Variants in DNAH5 observed in about 807,000 individuals in gnomAD.
DNAH5 encodes the protein axonemal beta dynein heavy chain 5.
Under a neutral mutation model 518.2 loss-of-function variants are expected in DNAH5, and 372 were observed. The observed-to-expected ratio is 0.72, with a 90% CI of 0.66 to 0.78. The LOEUF (loss-of-function observed/expected upper bound fraction) is 0.78, where lower values mean the gene tolerates loss of function less well. Among genes scored for constraint, DNAH5 ranks in the 30% least tolerant of loss-of-function variants. The pLI is 0.00. For synonymous variants in DNAH5, 2,039 were observed against 2,025.9 expected, an observed-to-expected ratio of 1.01 and a Z score of -0.17; for missense variants, 5,523 against 5,687.0, an observed-to-expected ratio of 0.97 and a Z score of 0.93.
chr5:13,873,287 G>A (rs1384606110), intron 22 of DNAH5, among the ~76,000 whole-genome samples: 1 of 151,986 alleles, frequency 6.6e-6, no homozygotes, highest in Non-Finnish European at 1.5e-5. Context: ...GTAAAGTTCT[G>A]TAATTACTAT....
intron 63 of DNAH5, 33 bp from the exon 64 acceptor site, chr5:13,752,322 G>T (rs764032682): frequency 6.2e-7 from 1 of 1,612,728 alleles, no homozygotes; most frequent in African/African-American, 1.3e-5. Flanking sequence ...GCTATTGGCA[G>T]ACATTACCAT....
intron 47 of DNAH5, among the ~76,000 whole-genome samples, chr5:13,799,778 A>G (rs1287040240): frequency 6.6e-6 from 1 of 152,142 alleles, no homozygotes; most frequent in Non-Finnish European, 1.5e-5. Context: ...ACATAATGAG[A>G]TATCTTGGGG....
chr5:13,837,516 C>T (rs1382844760), intron 35 of DNAH5, among the ~76,000 whole-genome samples: 1 of 151,418 alleles, frequency 6.6e-6, no homozygotes, highest in Non-Finnish European at 1.5e-5. Flanking sequence ...AACAGGCACC[C>T]AGGTTAACGC....
chr5:13,863,202 C>A (rs1025633823), intron 28 of DNAH5, among the ~76,000 whole-genome samples: 1 of 152,162 alleles, frequency 6.6e-6, no homozygotes, highest in African/African-American at 2.4e-5. Context: ...CCTCAACCTT[C>A]TCCTAGACCA....
At chr5:13,758,374 A>G (rs1242245558) in intron 61 of DNAH5, among the ~76,000 whole-genome samples, 1 of 152,134 alleles carries the variant, frequency 6.6e-6, no homozygotes, top group East Asian at 1.9e-4. Context: ...GCATGTCTGT[A>G]GTCCCAGCTA....
chr5:13,839,412 G>GTATATGAAC lies in DNAH5; in HGVS notation c.5817_5825dup (p.Ile1941_Tyr1942insTer). ...CAGTGCAGCCTAAAAATTCATTCTG[G>GTATATGAAC]TATATGAACGCCACATCTGTGATGT... is the stretch of plus-strand genomic sequence containing the variant. On this transcript the variant is annotated stop_gained, in exon 35 of 79. Coordinates refer to ENST00000265104, the MANE Select transcript of DNAH5 (RefSeq NM_001369.3). LOFTEE classifies it high-confidence loss of function. 2.5e-6 allele frequency: 4 copies of GTATATGAAC among 1,613,918 alleles called. No homozygotes were observed. The highest frequency in any genetic ancestry group is 3.4e-6 in the Non-Finnish European group (4 of 1,179,870).
At chr5:13,705,579 C>T (rs1340204939) in intron 76 of DNAH5, among the ~76,000 whole-genome samples, 3 of 152,176 alleles carry the variant, frequency 2.0e-5, no homozygotes, top group African/African-American at 7.2e-5. Flanking sequence ...GCTTCCATGA[C>T]CTAGCTACCT....
At chr5:13,974,060 A>G (rs1782059586) in intron 1 of DNAH5, among the ~76,000 whole-genome samples, 1 of 151,810 alleles carries the variant, frequency 6.6e-6, no homozygotes, top group Non-Finnish European at 1.5e-5. Flanking sequence ...ATGCACAGGT[A>G]TTCCCACTGA....
At chr5:13,766,982 C>G (rs1049664743) in intron 58 of DNAH5, among the ~76,000 whole-genome samples, 1 of 151,970 alleles carries the variant, frequency 6.6e-6, no homozygotes, top group Admixed American at 6.6e-5. Context: ...TCCTTTCTAT[C>G]AAAAGACAGT....
At chr5:13,892,246 C>T (rs992452679) in intron 16 of DNAH5, among the ~76,000 whole-genome samples, 5 of 152,150 alleles carry the variant, frequency 3.3e-5, no homozygotes, top group African/African-American at 9.7e-5. Context: ...CGCTTTCTAA[C>T]GGACTGCTTC....
chr5:13,863,804 C>T (rs1288565997), intron 28 of DNAH5, among the ~76,000 whole-genome samples: 1 of 152,232 alleles, frequency 6.6e-6, no homozygotes, highest in African/African-American at 2.4e-5. Flanking sequence ...CACCTCCCAG[C>T]TGGTGCCCAT....
chr5:13,862,801 TAATA>T, intron 28 of DNAH5, 54 bp from the exon 29 acceptor site: 1 of 1,438,042 alleles, frequency 7.0e-7, no homozygotes, highest in Non-Finnish European at 9.7e-7. Context: ...CGTCCTTCCT[TAATA>T]GTCTACGTGC....
At chr5:13,861,362 A>C (rs562508300) in intron 29 of DNAH5, among the ~76,000 whole-genome samples, 1 of 152,250 alleles carries the variant, frequency 6.6e-6, no homozygotes, top group African/African-American at 2.4e-5. Context: ...AACTGAAATA[A>C]GAGAAATTTT....
At chr5:13,772,081 A>T (rs1254088825) in intron 55 of DNAH5, among the ~76,000 whole-genome samples, 1 of 152,232 alleles carries the variant, frequency 6.6e-6, no homozygotes, top group East Asian at 1.9e-4. Flanking sequence ...ACCAGTACAA[A>T]GAACGGTTTA....
chr5:13,877,846 G>A (rs1046544747), intron 21 of DNAH5, among the ~76,000 whole-genome samples: 1 of 152,052 alleles, frequency 6.6e-6, no homozygotes, highest in African/African-American at 2.4e-5. Context: ...AGTCTCTCTG[G>A]ACCACAAGAA....
In DNAH5 at chr5:13,716,545, T is replaced by TA. The variant is rs1744302993; in HGVS notation, c.12850dup (p.Tyr4284LeufsTer14). The TA allele has an allele frequency of 6.2e-7, 1 of 1,613,974 alleles. No homozygotes were observed. The highest frequency in any genetic ancestry group is 8.5e-7 in the Non-Finnish European group (1 of 1,179,904). On this transcript the variant is annotated frameshift_variant, in exon 74 of 79. Coordinates refer to ENST00000265104, the MANE Select transcript of DNAH5 (RefSeq NM_001369.3). LOFTEE classifies it high-confidence loss of function. ...GCATTTTGGAATATTGTATCCTTGG[T>TA]AAAAACTGAAATCTGGTCCAAACAT...
chr5:13,871,389 G>C (rs548374779), intron 23 of DNAH5, among the ~76,000 whole-genome samples, 175 bp downstream of exon 23: 1 of 151,888 alleles, frequency 6.6e-6, no homozygotes, highest in Non-Finnish European at 1.5e-5. Context: ...AAATAGTCCA[G>C]AATCAATAAT....
intron 55 of DNAH5, among the ~76,000 whole-genome samples, chr5:13,774,263 T>A (rs1346661380): frequency 1.3e-5 from 2 of 152,022 alleles, no homozygotes; most frequent in Non-Finnish European, 2.9e-5. Flanking sequence ...TGGTGATGGA[T>A]AAGACTTGAG....
At chr5:13,890,547 G>C (rs776123706) in intron 17 of DNAH5, among the ~76,000 whole-genome samples, 2 of 152,106 alleles carry the variant, frequency 1.3e-5, no homozygotes, top group South Asian at 2.1e-4. Flanking sequence ...CCCAGCAATG[G>C]CTCCAGAATT....
Sources: gnomAD v4.1 joint callset for allele counts (sites outside exome capture counted in the v4.1 genomes callset) on GRCh38, gnomAD v4.1.1 for gene constraint, MANE v1.5 for transcripts, NCBI Gene and HGNC (gene_info 2026-07-23, HGNC 2026-07-21) for gene names.